The following TICRR variants were observed in gnomAD, a reference collection of about 807,000 sequenced individuals.
TICRR encodes TOPBP1 interacting checkpoint and replication regulator.
TICRR carries 132 observed loss-of-function variants against 178.1 expected under a neutral mutation model. That is an observed-to-expected ratio of 0.74 (90% CI 0.64 to 0.86). TICRR has a LOEUF of 0.86. Among genes scored for constraint, TICRR ranks in the 40% least tolerant of loss-of-function variants. The probability of loss-of-function intolerance (pLI) is 0.00; values close to 1 mark genes in which losing one functional copy is unlikely to be tolerated. For synonymous variants in TICRR, 991 were observed against 900.7 expected, an observed-to-expected ratio of 1.10 and a Z score of -1.79; for missense variants, 2,587 against 2,334.3, an observed-to-expected ratio of 1.11 and a Z score of -2.23.
intron 5 of TICRR, among the ~76,000 whole-genome samples, 172 bp downstream of exon 5, chr15:89,592,348 G>C (rs964073350): frequency 2.6e-5 from 4 of 151,988 alleles, no homozygotes; most frequent in African/African-American, 9.7e-5. Context: ...ATGTTAGCTA[G>C]ATAATATGTT....
At position 89,585,787 on chromosome 15, in the gene TICRR, T is replaced by C. The variant is rs1266872486; in HGVS notation, c.1256T>C (p.Leu419Pro). 1.1e-5 allele frequency: 17 copies of C among 1,614,080 alleles called. No homozygotes were observed. The highest frequency in any genetic ancestry group is 1.4e-5 in the Non-Finnish European group (17 of 1,180,048). Residue 419 changes from leucine (L) to proline (P), a missense_variant, in exon 4 of 22, where the codon CTC (leucine) becomes CCC (proline). Coordinates refer to ENST00000268138, the MANE Select transcript of TICRR (RefSeq NM_152259.4). ...CCACTCTCTGCCAGTGCTATGATCC[T>C]CACTGTGTGCCGCACCAAGGAGGCT... ...ISPLSASAMI[L>P]TVCRTKEAEF...
Position 89,606,813 on chromosome 15 carries a change from G to C in TICRR, c.2710G>C (p.Asp904His), listed in dbSNP as rs201484638. ...TCAGCAGCCTTCCCAGCCAGTGAAA[G>C]ATACAGTGCAAGGTATACTGTTTTC... ...APQQPSQPVK[D>H]TVQEVTKVRR... The change falls in exon 14 of 22, where the codon GAT (aspartate) becomes CAT (histidine). Residue 904 changes from aspartate (D) to histidine (H), a missense_variant. By Grantham distance (81) the Asp-to-His change is moderately conservative. Transcript: ENST00000268138. The C allele has an allele frequency of 2.0e-5, 33 of 1,613,764 alleles. No homozygotes were observed. Among genetic ancestry groups the C allele is most frequent in the Non-Finnish European group, 2.7e-5 (32 of 1,179,744 alleles).
chr15:89,595,694 T>C, intron 7 of TICRR, 83 bp downstream of exon 7: 1 of 966,636 alleles, frequency 1.0e-6, no homozygotes, highest in Non-Finnish European at 1.6e-6. Flanking sequence ...GTTTATTGAC[T>C]ATCTGCTACA....
At chr15:89,576,860 TACAC>T (rs374061866) in intron 1 of TICRR, among the ~76,000 whole-genome samples, 2 of 128,626 alleles carry the variant, frequency 1.6e-5, no homozygotes, top group African/African-American at 6.2e-5. Flanking sequence ...TATATATATA[TACAC>T]ACACACACAT....
At chr15:89,620,168 ATTC>A (rs1963401540) in intron 18 of TICRR, among the ~76,000 whole-genome samples, 1 of 152,206 alleles carries the variant, frequency 6.6e-6, no homozygotes, top group Admixed American at 6.5e-5. Flanking sequence ...TACGTTCTTC[ATTC>A]TTCTATCCAT....
intron 11 of TICRR, 60 bp from the exon 12 acceptor site, chr15:89,601,677 G>A (rs1963100278): frequency 7.4e-6 from 12 of 1,611,674 alleles, no homozygotes; most frequent in Non-Finnish European, 1.0e-5. Flanking sequence ...GGCTGGGTGA[G>A]GGAGGGAATA....
chr15:89,582,663 GGTT>G lies in TICRR; in HGVS notation c.655-19_655-17del, dbSNP rs777050239. ...GAATGCCTAATTTATAGTAACCTAAGGTTGTTTGTCGTTTTATTTTAGTTGTGG... is the reference window on the plus strand; with the variant it reads ...GAATGCCTAATTTATAGTAACCTAAGGTTTGTCGTTTTATTTTAGTTGTGG... On this transcript the variant is annotated intron_variant, in intron 1 of 21. Transcript: ENST00000268138. 6.2e-6 allele frequency: 10 copies of G among 1,607,396 alleles called. No homozygotes were observed. Among genetic ancestry groups the G allele is most frequent in the Non-Finnish European group, 8.5e-6 (10 of 1,175,326 alleles).
chr15:89,618,443 G>C (rs1272393845), intron 17 of TICRR, among the ~76,000 whole-genome samples: 1 of 152,162 alleles, frequency 6.6e-6, no homozygotes, highest in Non-Finnish European at 1.5e-5. Flanking sequence ...TTCAGGATGA[G>C]GGCTAAACTG....
intron 16 of TICRR, 174 bp from the exon 17 acceptor site, chr15:89,617,978 C>A: frequency 1.4e-6 from 1 of 711,062 alleles, no homozygotes; most frequent in Non-Finnish European, 2.5e-6. Context: ...AGGCGTGAGA[C>A]ACTGTGGCCA....
At position 89,595,440 on chromosome 15, in the gene TICRR, C is replaced by T; in HGVS notation, c.1729C>T (p.Arg577Cys). 1 of 1,614,002 alleles carries T rather than the reference C, an allele frequency of 6.2e-7. No individual in the cohort carries two copies. The highest frequency in any genetic ancestry group is 2.2e-5 in the East Asian group (1 of 44,854). The change falls in exon 7 of 22, where the codon CGT becomes TGT. Residue 577 changes from arginine to cysteine, a missense_variant. By Grantham distance (180) the Arg-to-Cys change is radical. Coordinates refer to ENST00000268138, the MANE Select transcript of TICRR (RefSeq NM_152259.4). ...PVRQKMNTMC[R>C]SLKMLNVARL... ...GAGACAGAAGATGAATACCATGTGCCGTTCCTTAAAGATGTTGAATGTCGC... is the reference window on the plus strand; with the variant it reads ...GAGACAGAAGATGAATACCATGTGCTGTTCCTTAAAGATGTTGAATGTCGC...
chr15:89,601,818 CCTT>C lies in TICRR; in HGVS notation c.2411_2413del (p.Leu804del). The C allele has an allele frequency of 6.2e-7, 1 of 1,614,156 alleles. No individual in the cohort carries two copies. The highest frequency in any genetic ancestry group is 8.5e-7 in the Non-Finnish European group (1 of 1,180,018). ...TGATTCCTCAGAAGCTGGCTGGTGT[CCTT>C]CCTACAGATTTTTTCAGTGATGACT... On this transcript the variant is annotated inframe_deletion, in exon 12 of 22. Transcript: ENST00000268138.
rs763446614 is a variant in TICRR at position 89,575,872 on chromosome 15, A to T, written c.286A>T (p.Arg96Trp). ...CGCCCACCTGCCCGGCCCGGCGCCC[A>T]GGGCCACCCACACGCACGGCGCCCT... ...DRAHLPGPAP[R>W]ATHTHGALME... The change falls in exon 1 of 22, where the codon AGG (arginine) becomes TGG (tryptophan). Residue 96 changes from arginine (R) to tryptophan (W), a missense_variant. By Grantham distance (101) the Arg-to-Trp change is moderately radical (BLOSUM62 -3). Coordinates refer to ENST00000268138, the MANE Select transcript of TICRR (RefSeq NM_152259.4). 9.5e-6 allele frequency: 15 copies of T among 1,586,106 alleles called. 1 individual carries two copies. In the South Asian group the frequency reaches 1.7e-4, roughly 18 times the overall value.
chr15:89,609,100 C>CTTTTTTTTTTTTTTTTTTT lies in TICRR; in HGVS notation c.2869+161_2869+179dup, dbSNP rs59398617. 21 of 81,478 alleles carry CTTTTTTTTTTTTTTTTTTT rather than the reference C, an allele frequency of 2.6e-4. 5 individuals carry two copies. Among genetic ancestry groups the CTTTTTTTTTTTTTTTTTTT allele is most frequent in the African/African-American group, 1.9e-3 (18 of 9,406 alleles). The allele number at this position is 81,478 out of a possible 1,614,324, so 5.0% of individuals were successfully genotyped here. ...CTAAAGGTTTGTCAATTTTGTTAATCTTTTTTTTTTTTTTTTTTTTTTTTT... is the reference window on the plus strand; with the variant it reads ...CTAAAGGTTTGTCAATTTTGTTAATCTTTTTTTTTTTTTTTTTTTTTTTTTTTTTTTTTTTTTTTTTTTT... On this transcript the variant is annotated intron_variant, in intron 15 of 21. Transcript: ENST00000268138.
chr15:89,623,548 T>C, intron 19 of TICRR, 75 bp from the exon 20 acceptor site: 1 of 1,434,556 alleles, frequency 7.0e-7, no homozygotes, highest in Non-Finnish European at 9.4e-7. Context: ...CCATTTGGTC[T>C]TAGAGATTAC....
intron 13 of TICRR, among the ~76,000 whole-genome samples, chr15:89,606,189 AATGAT>A (rs1352839734): frequency 6.6e-6 from 1 of 152,224 alleles, no homozygotes; most frequent in African/African-American, 2.4e-5. Flanking sequence ...CATATATATA[AATGAT>A]ATAACTTAGA....
intron 14 of TICRR, 131 bp downstream of exon 14, chr15:89,606,956 A>ATGGTATTTGG: frequency 1.5e-6 from 1 of 665,452 alleles, no homozygotes; most frequent in Non-Finnish European, 2.6e-6. Flanking sequence ...AAATATGTCC[A>ATGGTATTTGG]AATACCATGG....
chr15:89,597,926 G>A (rs181582963), intron 7 of TICRR, among the ~76,000 whole-genome samples: 11 of 152,182 alleles, frequency 7.2e-5, no homozygotes, highest in East Asian at 5.8e-4. Flanking sequence ...GTAGTTTTCC[G>A]CATATAGATC....
At chr15:89,590,839 T>C (rs1217874247) in intron 4 of TICRR, among the ~76,000 whole-genome samples, 1 of 152,258 alleles carries the variant, frequency 6.6e-6, no homozygotes, top group Non-Finnish European at 1.5e-5. Context: ...TAAGTTTGAA[T>C]ACATTTTAAG....
chr15:89,621,982 C>CTTTT (rs34123859), intron 19 of TICRR, among the ~76,000 whole-genome samples: 5,101 of 87,380 alleles, frequency 0.058, 109 homozygotes, highest in Non-Finnish European at 0.07. Flanking sequence ...CAAACTGACT[C>CTTTT]TTTTTTTTTT....
Sources: gnomAD v4.1 joint callset for allele counts (sites outside exome capture counted in the v4.1 genomes callset) on GRCh38, gnomAD v4.1.1 for gene constraint, MANE v1.5 for transcripts, NCBI Gene and HGNC (gene_info 2026-07-23, HGNC 2026-07-21) for gene names.